Variants in RAD51B observed in about 807,000 individuals in gnomAD.
RAD51B encodes DNA repair protein RAD51 homolog 2.
In RAD51B, 38 loss-of-function variants were observed where a neutral mutation model predicts 42.2. That is an observed-to-expected ratio of 0.90 (90% CI 0.70 to 1.18). The LOEUF (loss-of-function observed/expected upper bound fraction) is 1.18. Ranked by LOEUF, RAD51B falls within the 50% of genes most tolerant of loss-of-function variation. The pLI is 0.00. For synonymous variants in RAD51B, 154 were observed against 145.2 expected, an observed-to-expected ratio of 1.06 and a Z score of -0.43; for missense variants, 373 against 400.7, an observed-to-expected ratio of 0.93 and a Z score of 0.59.
chr14:68,015,667 C>T (rs1431138998), intron 7 of RAD51B, among the ~76,000 whole-genome samples: 5 of 152,214 alleles, frequency 3.3e-5, no homozygotes, highest in Non-Finnish European at 4.4e-5. Context: ...TTACCTCCCA[C>T]TGGGTCCCTC....
chr14:67,919,401 C>T (rs1281987159), intron 7 of RAD51B, among the ~76,000 whole-genome samples: 2 of 152,178 alleles, frequency 1.3e-5, no homozygotes, highest in African/African-American at 4.8e-5. Context: ...CTCCCTCCTC[C>T]CTTTCTCCCC....
chr14:68,129,228 A>C (rs1423263986), intron 7 of RAD51B, among the ~76,000 whole-genome samples: 1 of 152,186 alleles, frequency 6.6e-6, no homozygotes, highest in African/African-American at 2.4e-5. Flanking sequence ...TCTTTCTACT[A>C]TACCTTACGA....
At chr14:67,937,910 T>C (rs1368066001) in intron 7 of RAD51B, among the ~76,000 whole-genome samples, 1 of 152,104 alleles carries the variant, frequency 6.6e-6, no homozygotes, top group Non-Finnish European at 1.5e-5. Context: ...TTTTTTCTTT[T>C]TTTGCATTAG....
At chr14:68,116,335 A>C (rs1402456480) in intron 7 of RAD51B, among the ~76,000 whole-genome samples, 1 of 143,392 alleles carries the variant, frequency 7.0e-6, no homozygotes, top group African/African-American at 2.8e-5. Context: ...AGCTCTGTAC[A>C]TTTAAAAGGT....
chr14:67,828,796 G>T (rs1050291805), intron 3 of RAD51B, among the ~76,000 whole-genome samples: 1 of 152,146 alleles, frequency 6.6e-6, no homozygotes, highest in Non-Finnish European at 1.5e-5. Flanking sequence ...TAAGATGGTT[G>T]TAGGTGTGCG....
chr14:68,675,160 G>C (rs947823898), intron 11 of RAD51B, among the ~76,000 whole-genome samples: 5 of 152,182 alleles, frequency 3.3e-5, no homozygotes, highest in African/African-American at 1.2e-4. Context: ...AGGTAGACAA[G>C]CAAGGCCTCT....
intron 7 of RAD51B, among the ~76,000 whole-genome samples, chr14:68,250,562 C>G (rs1013214642): frequency 7.2e-5 from 11 of 152,298 alleles, no homozygotes; most frequent in African/African-American, 2.6e-4. Flanking sequence ...ATGAACAACA[C>G]AATGGTAGTG....
In RAD51B at chr14:67,841,941, A is replaced by G. The variant is rs1393214905; in HGVS notation, c.315+6745A>G. On this transcript the variant is annotated intron_variant, in intron 4 of 10. Coordinates refer to ENST00000471583, the MANE Select transcript of RAD51B (RefSeq NM_133510.4). Reference sequence around the variant, plus strand: ...ATAGTTTTTTCTAATTCTGTGAAAAATGACATTGGTAATTTGAATCTGTAC... The same window carrying G: ...ATAGTTTTTTCTAATTCTGTGAAAAGTGACATTGGTAATTTGAATCTGTAC... Among the ~76,000 whole-genome samples, 3 of 152,312 alleles carry G rather than the reference A, an allele frequency of 2.0e-5. No homozygotes were observed. In the East Asian group the frequency reaches 5.8e-4, roughly 29 times the overall value.
intron 7 of RAD51B, among the ~76,000 whole-genome samples, chr14:68,012,058 C>A (rs958835345): frequency 2.6e-5 from 4 of 152,096 alleles, no homozygotes; most frequent in African/African-American, 9.7e-5. Flanking sequence ...TTCTTTCAGA[C>A]AGTATCCTAG....
At chr14:68,317,477 C>T (rs1390476393) in intron 8 of RAD51B, among the ~76,000 whole-genome samples, 1 of 148,362 alleles carries the variant, frequency 6.7e-6, no homozygotes, top group Non-Finnish European at 1.5e-5. Flanking sequence ...TCAGGAAGGT[C>T]ATCAGTAAAG....
chr14:67,895,484 C>T (rs562191993), intron 7 of RAD51B, among the ~76,000 whole-genome samples: 63 of 152,252 alleles, frequency 4.1e-4, no homozygotes, highest in African/African-American at 1.4e-3. Context: ...TGGGTACATA[C>T]CATTGCTACA....
At chr14:68,498,555 G>T (rs554431263) in intron 10 of RAD51B, among the ~76,000 whole-genome samples, 1 of 152,156 alleles carries the variant, frequency 6.6e-6, no homozygotes, top group Non-Finnish European at 1.5e-5. Flanking sequence ...GATTTGTGCA[G>T]ACTGAACTCT....
At chr14:68,016,444 C>T (rs979842353) in intron 7 of RAD51B, among the ~76,000 whole-genome samples, 3 of 152,170 alleles carry the variant, frequency 2.0e-5, no homozygotes, top group African/African-American at 7.2e-5. Flanking sequence ...ATAGTGTAAG[C>T]AACCCCAAGA....
In RAD51B at chr14:68,491,146, C is replaced by T. The variant is rs140413402; in HGVS notation, c.1036+22896C>T. On this transcript the variant is annotated intron_variant, in intron 10 of 10. Coordinates refer to the RAD51B transcript ENST00000487270. Reference sequence around the variant, plus strand: ...AGTGGCCAGTGCCTGCCAGTAAGCCCACTCCACAGACCCTGAGGCCTGGAG... The same window carrying T: ...AGTGGCCAGTGCCTGCCAGTAAGCCTACTCCACAGACCCTGAGGCCTGGAG... 7.2e-3 allele frequency among the ~76,000 whole-genome samples: 1,097 copies of T among 152,290 alleles called. 15 individuals carry two copies. The highest frequency in any genetic ancestry group is 0.025 in the African/African-American group (1,036 of 41,550).
chr14:68,176,743 G>A (rs540258780), intron 7 of RAD51B, among the ~76,000 whole-genome samples: 1 of 152,220 alleles, frequency 6.6e-6, no homozygotes, highest in Non-Finnish European at 1.5e-5. Flanking sequence ...GTATTCCCTG[G>A]TTCTAGAAAT....
chr14:68,426,606 A>G (rs999465337), intron 9 of RAD51B, among the ~76,000 whole-genome samples: 3 of 152,232 alleles, frequency 2.0e-5, no homozygotes, highest in Non-Finnish European at 4.4e-5. Context: ...TGCATACAGT[A>G]AAATGAGAGA....
intron 9 of RAD51B, among the ~76,000 whole-genome samples, chr14:68,424,929 C>A (rs2084796918): frequency 6.6e-6 from 1 of 152,050 alleles, no homozygotes; most frequent in Non-Finnish European, 1.5e-5. Context: ...CACATACCAC[C>A]ACACCTGGCT....
intron 7 of RAD51B, among the ~76,000 whole-genome samples, chr14:67,969,043 TG>T (rs2074843069): frequency 6.6e-6 from 1 of 152,102 alleles, no homozygotes; most frequent in Non-Finnish European, 1.5e-5. Flanking sequence ...GATGCAAAAG[TG>T]GAAGCCCCTG....
At chr14:68,612,645 G>A (rs1891720394), downstream of RAD51B, among the ~76,000 whole-genome samples, 1 of 152,068 alleles carries the variant, frequency 6.6e-6, no homozygotes, top group South Asian at 2.1e-4. Flanking sequence ...AATGTTTTAT[G>A]GATACAAAGT....
Sources: gnomAD v4.1 joint callset for allele counts (sites outside exome capture counted in the v4.1 genomes callset) on GRCh38, gnomAD v4.1.1 for gene constraint, MANE v1.5 for transcripts, NCBI Gene and HGNC (gene_info 2026-07-23, HGNC 2026-07-21) for gene names.